Variants in SGCZ observed in about 807,000 individuals in gnomAD.
SGCZ encodes the protein sarcoglycan zeta.
Under a neutral mutation model 41.3 loss-of-function variants are expected in SGCZ, and 40 were observed. The observed-to-expected ratio is 0.97, with a 90% CI of 0.75 to 1.26. SGCZ has a LOEUF of 1.26. Ranked by LOEUF, SGCZ falls within the 50% of genes most tolerant of loss-of-function variation. The pLI, the probability that SGCZ is intolerant of heterozygous loss-of-function variation, is 0.00. For missense variants in SGCZ, 552 were observed against 369.8 expected (o/e 1.49, Z -4.04); for synonymous variants, 206 against 137.5 (o/e 1.50, Z -3.49).
At chr8:14,429,365 A>C (rs111509631) in intron 2 of SGCZ, among the ~76,000 whole-genome samples, 88 of 152,256 alleles carry the variant, frequency 5.8e-4, no homozygotes, top group African/African-American at 2.1e-3. Flanking sequence ...TATCAGCAGA[A>C]TGTTCCAGGC....
At chr8:14,541,662 G>A (rs1412145559) in intron 2 of SGCZ, among the ~76,000 whole-genome samples, 1 of 152,006 alleles carries the variant, frequency 6.6e-6, no homozygotes, top group Non-Finnish European at 1.5e-5. Flanking sequence ...TGGAATTGCT[G>A]GGTCAAATGG....
At chr8:14,989,309 A>G (rs1035926876) in intron 1 of SGCZ, among the ~76,000 whole-genome samples, 1 of 152,126 alleles carries the variant, frequency 6.6e-6, no homozygotes, top group African/African-American at 2.4e-5. Flanking sequence ...GTACTCCCCA[A>G]CAACGTACCA....
chr8:14,815,983 A>G (rs919104828), intron 1 of SGCZ, among the ~76,000 whole-genome samples: 2 of 152,216 alleles, frequency 1.3e-5, no homozygotes, highest in Non-Finnish European at 2.9e-5. Flanking sequence ...CCATTATACA[A>G]TTTTAAATTT....
At chr8:14,450,001 T>A (rs1226188088) in intron 2 of SGCZ, among the ~76,000 whole-genome samples, 1 of 152,192 alleles carries the variant, frequency 6.6e-6, no homozygotes, top group African/African-American at 2.4e-5. Context: ...TATAATGCAA[T>A]GTAATATGAT....
At chr8:14,635,352 C>A (rs914094513) in intron 1 of SGCZ, among the ~76,000 whole-genome samples, 27 of 151,826 alleles carry the variant, frequency 1.8e-4, no homozygotes, top group African/African-American at 6.3e-4. Flanking sequence ...CAACTATATT[C>A]TCATTTTAGC....
At chr8:15,226,013 T>C (rs1158963705) in intron 1 of SGCZ, among the ~76,000 whole-genome samples, 3 of 152,180 alleles carry the variant, frequency 2.0e-5, no homozygotes, top group Non-Finnish European at 4.4e-5. Flanking sequence ...GCAGCTATGA[T>C]GACTAAGTAA....
rs185670929 is a variant in SGCZ, at chr8:15,191,938, T to C, written c.39+45647A>G. The stretch of plus-strand genomic sequence containing the variant: ...TGGATTTGAGATTTAGCTCTCATTA[T>C]ACAACCCTGGGCCAAACTAAATCTC... On this transcript the variant is annotated intron_variant, in intron 1 of 7. Transcript: ENST00000382080. 4.8e-4 allele frequency among the ~76,000 whole-genome samples: 73 copies of C among 152,210 alleles called. 1 individual carries two copies. The highest frequency in any genetic ancestry group is 1.7e-3 in the African/African-American group (71 of 41,486).
At chr8:15,022,992 A>C (rs192987287) in intron 1 of SGCZ, among the ~76,000 whole-genome samples, 1 of 152,258 alleles carries the variant, frequency 6.6e-6, no homozygotes, top group East Asian at 1.9e-4. Flanking sequence ...CCTATACTAA[A>C]TGACCTTAAA....
intron 1 of SGCZ, among the ~76,000 whole-genome samples, chr8:15,086,059 A>G (rs1204656485): frequency 6.6e-6 from 1 of 152,254 alleles, no homozygotes; most frequent in Non-Finnish European, 1.5e-5. Context: ...TGTGAAATGT[A>G]ATCGATTTCC....
chr8:14,525,861 G>C (rs956926365), intron 2 of SGCZ, among the ~76,000 whole-genome samples: 17 of 151,930 alleles, frequency 1.1e-4, no homozygotes, highest in African/African-American at 4.1e-4. Context: ...TGCAGTCCTG[G>C]GGCATCATTA....
At chr8:14,294,486 G>A (rs899949543) in intron 3 of SGCZ, among the ~76,000 whole-genome samples, 5 of 151,854 alleles carry the variant, frequency 3.3e-5, no homozygotes, top group Non-Finnish European at 7.4e-5. Flanking sequence ...ACATTGCTGC[G>A]ATCTTATCTT....
intron 3 of SGCZ, among the ~76,000 whole-genome samples, chr8:14,261,819 G>C (rs1193550638): frequency 6.6e-6 from 1 of 152,078 alleles, no homozygotes; most frequent in African/African-American, 2.4e-5. Flanking sequence ...TTAGGATATA[G>C]AAAGAATATA....
intron 1 of SGCZ, among the ~76,000 whole-genome samples, chr8:14,642,493 C>G (rs1807060454): frequency 6.6e-6 from 1 of 151,158 alleles, no homozygotes; most frequent in Non-Finnish European, 1.5e-5. Flanking sequence ...ATGTAAGTTA[C>G]AATATGTAAG....
chr8:14,600,825 T>G (rs1015172884), intron 1 of SGCZ, among the ~76,000 whole-genome samples: 2 of 151,738 alleles, frequency 1.3e-5, no homozygotes, highest in African/African-American at 4.8e-5. Context: ...TTGTACTTAA[T>G]ACAAATTAAA....
intron 1 of SGCZ, among the ~76,000 whole-genome samples, chr8:14,746,755 T>G (rs1475910447): frequency 6.6e-6 from 1 of 152,122 alleles, no homozygotes; most frequent in African/African-American, 2.4e-5. Flanking sequence ...AAATAGAACA[T>G]TGGGGTTTTT....
At chr8:14,789,273 T>C (rs1419361940) in intron 1 of SGCZ, among the ~76,000 whole-genome samples, 2 of 152,190 alleles carry the variant, frequency 1.3e-5, no homozygotes, top group Non-Finnish European at 2.9e-5. Context: ...GTTTACAGTA[T>C]GTAAACTGAA....
chr8:14,566,104 A>C (rs999060529), intron 1 of SGCZ, among the ~76,000 whole-genome samples: 1 of 152,232 alleles, frequency 6.6e-6, no homozygotes, highest in African/African-American at 2.4e-5. Context: ...TGCTTTAAAC[A>C]AATGAAACAG....
At chr8:14,868,314 C>G (rs1373345332) in intron 1 of SGCZ, among the ~76,000 whole-genome samples, 1 of 152,152 alleles carries the variant, frequency 6.6e-6, no homozygotes, top group Non-Finnish European at 1.5e-5. Flanking sequence ...TTCACTGTGG[C>G]ATGTAGCCCA....
At chr8:14,494,319 G>C (rs1801927289) in intron 2 of SGCZ, among the ~76,000 whole-genome samples, 1 of 152,140 alleles carries the variant, frequency 6.6e-6, no homozygotes, top group Admixed American at 6.5e-5. Context: ...ACTTGTGTAA[G>C]ACCTGCATAG....
Sources: allele counts gnomAD v4.1 joint callset (sites outside exome capture counted in the v4.1 genomes callset), GRCh38; gene constraint gnomAD v4.1.1; transcripts MANE v1.5; gene names NCBI Gene and HGNC (gene_info 2026-07-23, HGNC 2026-07-21).